CMIP: variants seen among roughly 807,000 people sequenced by gnomAD.
CMIP encodes the protein c-Maf inducing protein.
Under a neutral mutation model 97.3 loss-of-function variants are expected in CMIP, and 13 were observed. The observed-to-expected ratio is 0.13, with a 90% confidence interval of 0.09 to 0.21. CMIP has a LOEUF of 0.21. Among genes scored for constraint, CMIP ranks in the 10% least tolerant of loss-of-function variants. The pLI is 1.00. For synonymous variants in CMIP, 538 were observed against 436.3 expected (o/e 1.23, Z -2.91); for missense variants, 847 against 1,024.9 (o/e 0.83, Z 2.37).
intron 1 of CMIP, among the ~76,000 whole-genome samples, chr16:81,492,577 C>T (rs1219985084): frequency 1.1e-5 from 1 of 94,344 alleles, no homozygotes. Flanking sequence ...GCCTTGCTAG[C>T]AGGGCCGGGC....
intron 1 of CMIP, among the ~76,000 whole-genome samples, chr16:81,538,508 C>T (rs1158845909): frequency 6.6e-6 from 1 of 152,196 alleles, no homozygotes; most frequent in Non-Finnish European, 1.5e-5. Flanking sequence ...GTTCTTACTT[C>T]GCGAGCTGAG....
rs1908656644 is a variant in CMIP, at chr16:81,710,585, A to G, written c.*786A>G. The G allele has an allele frequency of 1.3e-5, 2 of 151,772 alleles. No individual in the cohort carries two copies. The highest frequency in any genetic ancestry group is 4.8e-5 in the African/African-American group (2 of 41,246). 9.4% of individuals were successfully genotyped at this position (151,772 alleles called of 1,614,324 possible). A position where few individuals can be genotyped will look rare whatever the true frequency, so the allele number is the denominator to read the frequency against. On this transcript the variant is annotated 3_prime_UTR_variant, in exon 21 of 21. Transcript: ENST00000537098. ...TGGAAAAATTAATTGCTTTTTCGTAATGGATTCTCTATGCTAATGCTCTCT... is the reference window on the plus strand; with the variant it reads ...TGGAAAAATTAATTGCTTTTTCGTAGTGGATTCTCTATGCTAATGCTCTCT...
chr16:81,561,589 A>G (rs546321348), intron 1 of CMIP, among the ~76,000 whole-genome samples: 1 of 152,302 alleles, frequency 6.6e-6, no homozygotes, highest in South Asian at 2.1e-4. Context: ...AGGACCAGCA[A>G]TTACAGAGGG....
intron 3 of CMIP, among the ~76,000 whole-genome samples, chr16:81,648,505 C>G (rs1255993592): frequency 3.3e-5 from 5 of 152,030 alleles, no homozygotes; most frequent in Non-Finnish European, 7.4e-5. Flanking sequence ...AAGAGTTGGC[C>G]AGGCGCAGTG....
chr16:81,497,667 C>T (rs1442860850), intron 1 of CMIP, among the ~76,000 whole-genome samples: 5 of 152,224 alleles, frequency 3.3e-5, no homozygotes, highest in Non-Finnish European at 5.9e-5. Flanking sequence ...TCTTGTTAAC[C>T]CCAAATCCCA....
intron 1 of CMIP, among the ~76,000 whole-genome samples, chr16:81,498,510 G>T (rs2089535178): frequency 1.3e-5 from 2 of 152,198 alleles, no homozygotes; most frequent in South Asian, 2.1e-4. Flanking sequence ...TCTCACGGGG[G>T]TTATCAGGCC....
chr16:81,539,776 C>T (rs1004096274), intron 1 of CMIP, among the ~76,000 whole-genome samples: 1 of 152,220 alleles, frequency 6.6e-6, no homozygotes, highest in Non-Finnish European at 1.5e-5. Context: ...TCAGTGCCAC[C>T]TCCACTGGAC....
At chr16:81,675,529 TG>T (rs1428427535) in intron 9 of CMIP, among the ~76,000 whole-genome samples, 1 of 152,166 alleles carries the variant, frequency 6.6e-6, no homozygotes, top group Non-Finnish European at 1.5e-5. Flanking sequence ...ACAATGTTTT[TG>T]TATCTACGGG....
At chr16:81,706,033 A>T (rs997211868) in intron 19 of CMIP, among the ~76,000 whole-genome samples, 1 of 152,202 alleles carries the variant, frequency 6.6e-6, no homozygotes, top group Non-Finnish European at 1.5e-5. Flanking sequence ...CGGTAAGCAG[A>T]TGCCTGGGAG....
rs543732215 is a variant in CMIP, at chr16:81,488,080, G to A, written c.300+42539G>A. Reference sequence around the variant, plus strand: ...TGTTTATTATTGTTGGCAAGACGCCGTTTGCATAGTAAACTGAGACTGCTG... The same window carrying A: ...TGTTTATTATTGTTGGCAAGACGCCATTTGCATAGTAAACTGAGACTGCTG... On this transcript the variant is annotated intron_variant, in intron 1 of 20. Transcript: ENST00000537098. 4.9e-5 allele frequency among the ~76,000 whole-genome samples: 7 copies of A among 143,368 alleles called. No individual in the cohort carries two copies. In the South Asian group the frequency reaches 7.0e-4, roughly 14 times the overall value. The allele number at this position is 143,368 out of a possible 152,430, so 94.1% of individuals were successfully genotyped here.
chr16:81,569,083 A>G (rs2091036461), intron 1 of CMIP, among the ~76,000 whole-genome samples: 1 of 152,194 alleles, frequency 6.6e-6, no homozygotes. Flanking sequence ...CGAAGAAGGC[A>G]TCTGTAGCAC....
intron 11 of CMIP, among the ~76,000 whole-genome samples, chr16:81,692,252 C>T (rs1425281886): frequency 6.6e-6 from 1 of 152,224 alleles, no homozygotes; most frequent in African/African-American, 2.4e-5. Context: ...TAGCATTGCT[C>T]GCTGTGCCGT....
rs1482943570 is a variant in CMIP at position 81,710,485 on chromosome 16, A to G, written c.*686A>G. The G allele has an allele frequency of 7.7e-6, 1 of 129,440 alleles. No homozygotes were observed. Among genetic ancestry groups the G allele is most frequent in the African/African-American group, 2.9e-5 (1 of 34,322 alleles). 8.0% of individuals were successfully genotyped at this position (129,440 alleles called of 1,614,324 possible). A position where few individuals can be genotyped will look rare whatever the true frequency, so the allele number is the denominator to read the frequency against. ...GTATAAACCAGTCAGCTGTCGGGTT[A>G]GTGGTAGTATTATTGTTATTTTTTT... On this transcript the variant is annotated 3_prime_UTR_variant, in exon 21 of 21. Coordinates refer to ENST00000537098, the MANE Select transcript of CMIP (RefSeq NM_198390.3).
chr16:81,464,992 G>C (rs181650209), intron 1 of CMIP: 3 of 152,350 alleles, frequency 2.0e-5, no homozygotes, highest in Admixed American at 2.0e-4. Context: ...CTTGTTGGCT[G>C]TTGTGGGTAA....
chr16:81,548,543 A>G (rs1597542632), intron 1 of CMIP, among the ~76,000 whole-genome samples: 1 of 152,090 alleles, frequency 6.6e-6, no homozygotes, highest in East Asian at 1.9e-4. Flanking sequence ...AGTTGTGACA[A>G]CCAAAAATGT....
intron 11 of CMIP, 99 bp downstream of exon 11, chr16:81,691,939 C>A: frequency 1.9e-6 from 2 of 1,066,474 alleles, no homozygotes; most frequent in Non-Finnish European, 2.9e-6. Flanking sequence ...TATGGGGAAG[C>A]GAAGTCACAG....
chr16:81,628,100 C>T (rs2092099645), intron 3 of CMIP, among the ~76,000 whole-genome samples: 1 of 152,072 alleles, frequency 6.6e-6, no homozygotes, highest in African/African-American at 2.4e-5. Context: ...GAGGGCCATG[C>T]TAGAAGGGGG....
chr16:81,650,478 G>A (rs376485313), intron 3 of CMIP, among the ~76,000 whole-genome samples: 1 of 152,132 alleles, frequency 6.6e-6, no homozygotes, highest in African/African-American at 2.4e-5. Flanking sequence ...AAAGACTTGG[G>A]GTGATGGGCG....
chr16:81,497,547 C>T (rs1265866571), intron 1 of CMIP, among the ~76,000 whole-genome samples: 1 of 152,214 alleles, frequency 6.6e-6, no homozygotes, highest in African/African-American at 2.4e-5. Flanking sequence ...CCTACGGGGC[C>T]TTAGGACACA....
Sources: allele counts gnomAD v4.1 joint callset (sites outside exome capture counted in the v4.1 genomes callset), GRCh38; gene constraint gnomAD v4.1.1; transcripts MANE v1.5; gene names NCBI Gene and HGNC (gene_info 2026-07-23, HGNC 2026-07-21).